The following CMTM8 variants were observed in gnomAD, a reference collection of about 807,000 sequenced individuals.
The protein encoded by CMTM8 is CKLF like MARVEL transmembrane domain containing 8, also known as CKLF-like MARVEL transmembrane domain-containing protein 8.
A neutral mutation model predicts 18.6 loss-of-function variants in CMTM8; 12 were observed. The observed-to-expected ratio is 0.65, with a 90% CI of 0.41 to 1.05. The LOEUF is 1.05. Among genes scored for constraint, CMTM8 ranks in the 50% least tolerant of loss-of-function variants. The pLI, the probability that CMTM8 is intolerant of heterozygous loss-of-function variation, is 0.00. For synonymous variants in CMTM8, 87 were observed against 90.6 expected (o/e 0.96, Z 0.23); for missense variants, 217 against 227.2 (o/e 0.95, Z 0.29).
intron 1 of CMTM8, among the ~76,000 whole-genome samples, chr3:32,301,189 C>T (rs929655990): frequency 2.0e-5 from 3 of 152,012 alleles, no homozygotes; most frequent in South Asian, 4.2e-4. Flanking sequence ...AGCCTTATCC[C>T]GGCATTCATC....
At chr3:32,257,049 A>G (rs919640625) in intron 1 of CMTM8, among the ~76,000 whole-genome samples, 8 of 152,210 alleles carry the variant, frequency 5.3e-5, no homozygotes, top group Middle Eastern at 3.2e-3. Flanking sequence ...TGGAAGAAGC[A>G]TGATCTCAGA....
intron 1 of CMTM8, among the ~76,000 whole-genome samples, chr3:32,255,693 T>G (rs1382453922): frequency 6.6e-6 from 1 of 152,190 alleles, no homozygotes; most frequent in African/African-American, 2.4e-5. Flanking sequence ...GCTATAGATC[T>G]CAAAATTTCT....
chr3:32,318,289 G>A (rs1695970317), intron 1 of CMTM8, among the ~76,000 whole-genome samples: 1 of 152,038 alleles, frequency 6.6e-6, no homozygotes, highest in Admixed American at 6.5e-5. Flanking sequence ...ATTTCTCCCT[G>A]TTTAACCTCT....
chr3:32,302,133 T>C (rs903587530), intron 1 of CMTM8, among the ~76,000 whole-genome samples: 1 of 128,544 alleles, frequency 7.8e-6, no homozygotes, highest in Non-Finnish European at 1.7e-5. Flanking sequence ...TTCCTGTCTC[T>C]ACAAAAAAAA....
chr3:32,304,648 C>A (rs983062757), intron 1 of CMTM8, among the ~76,000 whole-genome samples: 4 of 152,194 alleles, frequency 2.6e-5, no homozygotes, highest in African/African-American at 9.7e-5. Context: ...ACCGAAGGTC[C>A]AGATGAGGTT....
At position 32,338,070 on chromosome 3, in the gene CMTM8, G is replaced by A. The variant is rs7625981; in HGVS notation, c.148-19303G>A. On this transcript the variant is annotated intron_variant, in intron 1 of 3. Transcript: ENST00000307526. Reference sequence around the variant, plus strand: ...GCAATCTTGGCTCACTGCAACCTCCGCCTCCCAGGTTCAAATAATTCTCCT... The same window carrying A: ...GCAATCTTGGCTCACTGCAACCTCCACCTCCCAGGTTCAAATAATTCTCCT... Among the ~76,000 whole-genome samples the A allele has an allele frequency of 9.7e-3, 1,382 of 142,016 alleles. 20 individuals are homozygous for A. Among genetic ancestry groups the A allele is most frequent in the African/African-American group, 0.034 (1,315 of 38,272 alleles). 93.2% of individuals were successfully genotyped at this position (142,016 alleles called of 152,430 possible). A position where few individuals can be genotyped will look rare whatever the true frequency, so the allele number is the denominator to read the frequency against.
At chr3:32,257,364 A>G (rs537498582) in intron 1 of CMTM8, among the ~76,000 whole-genome samples, 1 of 152,126 alleles carries the variant, frequency 6.6e-6, no homozygotes, top group Admixed American at 6.5e-5. Context: ...GATTTCTCTT[A>G]TTTTCTGCAT....
chr3:32,294,349 T>G (rs1399064915), intron 1 of CMTM8, among the ~76,000 whole-genome samples: 2 of 152,242 alleles, frequency 1.3e-5, no homozygotes, highest in Non-Finnish European at 2.9e-5. Flanking sequence ...CCTGTGAGGC[T>G]TCCAGATGCC....
chr3:32,311,264 A>G (rs1453954880), intron 1 of CMTM8, among the ~76,000 whole-genome samples: 1 of 152,252 alleles, frequency 6.6e-6, no homozygotes, highest in East Asian at 1.9e-4. Flanking sequence ...ATTATATGCA[A>G]TTCAAATTTC....
intron 1 of CMTM8, among the ~76,000 whole-genome samples, chr3:32,288,468 G>A (rs547611906): frequency 6.6e-6 from 1 of 151,134 alleles, no homozygotes; most frequent in African/African-American, 2.4e-5. Flanking sequence ...TTTTTGTAGA[G>A]ATGGGGGTCT....
intron 1 of CMTM8, among the ~76,000 whole-genome samples, chr3:32,304,544 C>A (rs1457227250): frequency 6.6e-6 from 1 of 152,214 alleles, no homozygotes; most frequent in Non-Finnish European, 1.5e-5. Context: ...CATACTCAAT[C>A]TATATGAACA....
intron 1 of CMTM8, among the ~76,000 whole-genome samples, chr3:32,342,362 G>T (rs900739028): frequency 6.6e-6 from 1 of 152,198 alleles, no homozygotes; most frequent in South Asian, 2.1e-4. Flanking sequence ...GTTACCAGGG[G>T]CTTGGGTACA....
chr3:32,347,309 TGGCGTTAG>T (rs1696618349), intron 1 of CMTM8, among the ~76,000 whole-genome samples: 7 of 150,932 alleles, frequency 4.6e-5, no homozygotes, highest in South Asian at 2.1e-4. Flanking sequence ...TTTTTTTTTT[TGGCGTTAG>T]TTCTCTCTTT....
intron 2 of CMTM8, among the ~76,000 whole-genome samples, chr3:32,367,008 TGAG>T (rs1559392017): frequency 6.6e-6 from 1 of 152,200 alleles, no homozygotes. Flanking sequence ...TTTTTTTCTC[TGAG>T]AAGAAAGAGA....
chr3:32,265,724 AAAAG>A (rs1424368107), intron 1 of CMTM8, among the ~76,000 whole-genome samples: 4 of 152,246 alleles, frequency 2.6e-5, no homozygotes, highest in African/African-American at 9.6e-5. Flanking sequence ...AATAAAGAAA[AAAAG>A]AGAGAAGAAT....
At chr3:32,361,222 C>G (rs570249058) in intron 2 of CMTM8, among the ~76,000 whole-genome samples, 1 of 150,002 alleles carries the variant, frequency 6.7e-6, no homozygotes, top group Admixed American at 6.7e-5. Context: ...CTCAGGTGAT[C>G]CACCCGCCTC....
At position 32,262,140 on chromosome 3, in the gene CMTM8, G is replaced by A. The variant is rs555993003; in HGVS notation, c.147+23021G>A. Among the ~76,000 whole-genome samples the A allele has an allele frequency of 4.8e-4, 73 of 152,220 alleles. 2 individuals are homozygous for A. The highest frequency in any genetic ancestry group is 8.2e-4 in the Non-Finnish European group (56 of 68,020). On this transcript the variant is annotated intron_variant, in intron 1 of 3. Transcript: ENST00000307526. ...CCTGGATGTCCATTGTCCCCATTGC[G>A]AGTCATGATATCACATGGCTGCCCC...
rs2125523860 is a variant in CMTM8, at chr3:32,238,942, G to A, written c.-31G>A. On this transcript the variant is annotated 5_prime_UTR_variant, in exon 1 of 4. Coordinates refer to ENST00000307526, the MANE Select transcript of CMTM8 (RefSeq NM_178868.5). ...CAGCCCCAGACCCGCCGGGGTCCCT[G>A]GGGACGCGCCAGCCCGGCAGTGGCT... The A allele has an allele frequency of 6.5e-7, 1 of 1,538,976 alleles. No homozygotes were observed. Among genetic ancestry groups the A allele is most frequent in the Non-Finnish European group, 8.8e-7 (1 of 1,141,256 alleles).
At chr3:32,264,221 G>C (rs1258498198) in intron 1 of CMTM8, among the ~76,000 whole-genome samples, 1 of 152,220 alleles carries the variant, frequency 6.6e-6, no homozygotes, top group Non-Finnish European at 1.5e-5. Context: ...TTACCCACGA[G>C]GGGAAGCCCA....
Sources: gnomAD v4.1 joint callset for allele counts (sites outside exome capture counted in the v4.1 genomes callset) on GRCh38, gnomAD v4.1.1 for gene constraint, MANE v1.5 for transcripts, NCBI Gene and HGNC (gene_info 2026-07-23, HGNC 2026-07-21) for gene names.